AUTS2: variants seen among roughly 807,000 people sequenced by gnomAD.
AUTS2 encodes the protein autism susceptibility gene 2 protein.
In AUTS2, 17 loss-of-function variants were observed where a neutral mutation model predicts 112.4. That is an observed-to-expected ratio of 0.15 (90% CI 0.10 to 0.23). The LOEUF (loss-of-function observed/expected upper bound fraction) is 0.23. Among genes scored for constraint, AUTS2 ranks in the 10% least tolerant of loss-of-function variants. The pLI is 1.00. For missense variants in AUTS2, 1,510 were observed against 1,701.6 expected, an observed-to-expected ratio of 0.89 and a Z score of 1.98; for synonymous variants, 751 against 702.7, an observed-to-expected ratio of 1.07 and a Z score of -1.09.
chr7:70,597,565 A>G (rs1585353682), intron 5 of AUTS2, among the ~76,000 whole-genome samples: 1 of 152,308 alleles, frequency 6.6e-6, no homozygotes, highest in Admixed American at 6.5e-5. Flanking sequence ...ACTAATCTGT[A>G]ATTATAAAGA....
chr7:69,599,748 CCGGCGCGGCCGGCGG>C lies in AUTS2; in HGVS notation c.101_115del (p.Ala34_Gly38del). 7.4e-7 allele frequency: 1 copy of C among 1,358,124 alleles called. No homozygotes were observed. The highest frequency in any genetic ancestry group is 9.4e-7 in the Non-Finnish European group (1 of 1,059,684). 84.1% of individuals were successfully genotyped at this position (1,358,124 alleles called of 1,614,324 possible). A position where few individuals can be genotyped will look rare whatever the true frequency, so the allele number is the denominator to read the frequency against. The stretch of plus-strand genomic sequence containing the variant: ...AGGCGCTCCCGGGGCGGGCTGGGGG[CCGGCGCGGCCGGCGG>C]CGGCGGGGCTGGCCGGACCCGGGCG... On this transcript the variant is annotated inframe_deletion, in exon 1 of 19. Transcript: ENST00000342771. The surrounding 1 kb of genome is among the most constrained non-coding windows in gnomAD (Gnocchi z 7.0).
intron 2 of AUTS2, among the ~76,000 whole-genome samples, chr7:69,991,132 C>T (rs933852895): frequency 3.9e-5 from 6 of 152,162 alleles, no homozygotes; most frequent in Admixed American, 3.3e-4. Context: ...GCTGGAAATT[C>T]AGCTCCTTCC....
Position 70,766,367 on chromosome 7 carries a change from T to C in AUTS2, c.1689+33T>C. On this transcript the variant is annotated intron_variant, in intron 9 of 18. Coordinates refer to ENST00000342771, the MANE Select transcript of AUTS2 (RefSeq NM_015570.4). The surrounding 1 kb of genome is among the most constrained non-coding windows in gnomAD (Gnocchi z 4.8). ...CCCCAGGCAGAAATGTGAGGATAAG[T>C]AGAGCACGACTCTTTTCTTTATGCA... The C allele has an allele frequency of 6.2e-7, 1 of 1,610,678 alleles. No individual in the cohort carries two copies. The highest frequency in any genetic ancestry group is 2.2e-5 in the East Asian group (1 of 44,800).
At chr7:70,563,625 C>T (rs190816950) in intron 5 of AUTS2, among the ~76,000 whole-genome samples, 157 of 152,186 alleles carry the variant, frequency 1.0e-3, no homozygotes, top group African/African-American at 3.3e-3. Context: ...CCGGAGATGG[C>T]GGAGAGGGAT....
chr7:69,871,377 C>A (rs1373140659), intron 1 of AUTS2, among the ~76,000 whole-genome samples: 1 of 152,108 alleles, frequency 6.6e-6, no homozygotes, highest in Admixed American at 6.5e-5. Flanking sequence ...TAGGGTAGTC[C>A]CCCCTTTATC....
At chr7:70,255,074 C>A (rs1044538328) in intron 4 of AUTS2, among the ~76,000 whole-genome samples, 4 of 129,636 alleles carry the variant, frequency 3.1e-5, no homozygotes, top group Non-Finnish European at 4.9e-5. Context: ...TCAAAATTAC[C>A]TTTTTTTTTT....
chr7:69,602,040 A>ATATATATATATG (rs1474403063), intron 1 of AUTS2, among the ~76,000 whole-genome samples: 3 of 46,248 alleles, frequency 6.5e-5, no homozygotes, highest in Non-Finnish European at 1.4e-4. Flanking sequence ...ATATATATAT[A>ATATATATATATG]TGTGTGTGTG....
At chr7:70,693,858 G>A (rs969750202) in intron 5 of AUTS2, among the ~76,000 whole-genome samples, 2 of 152,226 alleles carry the variant, frequency 1.3e-5, no homozygotes, top group African/African-American at 4.8e-5. Context: ...GGCAGCCGGG[G>A]GGAGCCGAGG....
In AUTS2 at chr7:70,790,533, C is replaced by T. The variant is rs1791855155; in HGVS notation, c.3317C>T (p.Thr1106Ile). Residue 1106 changes from threonine (T) to isoleucine (I), a missense_variant, in exon 19 of 19, where the codon ACT (threonine) becomes ATT (isoleucine). By Grantham distance (89) the Thr-to-Ile change is moderately conservative (BLOSUM62 -1). Around this residue, in one of 3 missense-constraint regions of AUTS2, gnomAD observed 788 missense variants for 797.6 expected, o/e 0.99. Transcript: ENST00000342771. The surrounding 1 kb of genome is among the most constrained non-coding windows in gnomAD (Gnocchi z 7.6). ...AACGACCCGCTCCACCGGCTCTCGA[C>T]TCCCCGGCTGTACGAAGCCGACCGC... Reference protein sequence around the residue: ...LRNDPLHRLSTPRLYEADRSF... With the variant: ...LRNDPLHRLSIPRLYEADRSF... 1 of 1,608,340 alleles carries T rather than the reference C, an allele frequency of 6.2e-7. No individual in the cohort carries two copies. Among genetic ancestry groups the T allele is most frequent in the East Asian group, 2.2e-5 (1 of 44,656 alleles).
At chr7:70,617,465 A>G (rs1804434030) in intron 5 of AUTS2, among the ~76,000 whole-genome samples, 1 of 152,184 alleles carries the variant, frequency 6.6e-6, no homozygotes, top group Non-Finnish European at 1.5e-5. Flanking sequence ...GATCAAGACC[A>G]TCCTGGCTAA....
chr7:69,652,409 G>A (rs747123649), intron 1 of AUTS2, among the ~76,000 whole-genome samples: 4 of 151,034 alleles, frequency 2.6e-5, no homozygotes, highest in Non-Finnish European at 5.9e-5. Flanking sequence ...GGGAAAGAGA[G>A]TCAGGTGAGA....
At chr7:70,372,939 C>T (rs1387870812) in intron 4 of AUTS2, among the ~76,000 whole-genome samples, 1 of 152,032 alleles carries the variant, frequency 6.6e-6, no homozygotes, top group African/African-American at 2.4e-5. Flanking sequence ...GTCAAATTAG[C>T]AGGTCTGGAA....
intron 2 of AUTS2, among the ~76,000 whole-genome samples, chr7:70,053,049 G>C (rs544043364): frequency 1.3e-5 from 2 of 152,248 alleles, no homozygotes; most frequent in East Asian, 3.9e-4. Context: ...TTTGCTTCAA[G>C]GGATATAAAG....
intron 1 of AUTS2, among the ~76,000 whole-genome samples, chr7:69,726,068 A>G (rs941356994): frequency 4.6e-5 from 7 of 152,178 alleles, no homozygotes; most frequent in East Asian, 1.9e-4. Context: ...ATGCAGTGAA[A>G]TGCACAGATC....
In AUTS2 at chr7:69,729,765, A is replaced by T. The variant is rs1199880131; in HGVS notation, c.309+129803A>T. Among the ~76,000 whole-genome samples, 4 of 152,108 alleles carry T rather than the reference A, an allele frequency of 2.6e-5. No homozygotes were observed. In the East Asian group the frequency reaches 7.7e-4, roughly 29 times the overall value. Reference sequence around the variant, plus strand: ...CTTATCTGTGTACAGTTTACACTGTATATGATCCTCAGTGATATAGGGTGT... The same window carrying T: ...CTTATCTGTGTACAGTTTACACTGTTTATGATCCTCAGTGATATAGGGTGT... On this transcript the variant is annotated intron_variant, in intron 1 of 18. Transcript: ENST00000342771.
At position 70,790,414 on chromosome 7, in the gene AUTS2, C is replaced by T; in HGVS notation, c.3198C>T (p.Phe1066=). The T allele has an allele frequency of 3.1e-6, 5 of 1,613,234 alleles. No individual in the cohort carries two copies. The highest frequency in any genetic ancestry group is 2.2e-5 in the South Asian group (2 of 90,912). ...PGGERFPYPS[F]HWDPIRDPLR... ...GAGAGCGCTTCCCGTACCCTTCTTTCCACTGGGACCCCATCCGGGACCCCT... is the reference window on the plus strand; with the variant it reads ...GAGAGCGCTTCCCGTACCCTTCTTTTCACTGGGACCCCATCCGGGACCCCT... The change falls in exon 19 of 19, where the codon TTC becomes TTT. Residue 1066 remains phenylalanine, a synonymous_variant. Coordinates refer to ENST00000342771, the MANE Select transcript of AUTS2 (RefSeq NM_015570.4). This position sits in a 1 kb window ranked among gnomAD's most constrained non-coding sequence, Gnocchi z 7.6.
At chr7:70,437,938 AAATGT>A (rs1795965298) in intron 5 of AUTS2, 1 of 151,996 alleles carries the variant, frequency 6.6e-6, no homozygotes, top group Non-Finnish European at 1.5e-5. Context: ...TGTTCCTTGT[AAATGT>A]CTTCACCAGT....
intron 4 of AUTS2, among the ~76,000 whole-genome samples, chr7:70,354,259 A>G (rs1791892493): frequency 6.6e-6 from 1 of 152,202 alleles, no homozygotes; most frequent in Non-Finnish European, 1.5e-5. Context: ...ATCTCAAATC[A>G]CTGTTAAAAT....
chr7:69,659,344 G>C (rs551093275), intron 1 of AUTS2, among the ~76,000 whole-genome samples: 3 of 151,736 alleles, frequency 2.0e-5, no homozygotes, highest in Admixed American at 2.0e-4. Flanking sequence ...AATTTTGTCC[G>C]TATATTCATT....
Sources: allele counts gnomAD v4.1 joint callset (sites outside exome capture counted in the v4.1 genomes callset), GRCh38; gene constraint gnomAD v4.1.1; regional missense constraint gnomAD v4.1.1; non-coding constraint Gnocchi (gnomAD v3.1); transcripts MANE v1.5; gene names NCBI Gene and HGNC (gene_info 2026-07-23, HGNC 2026-07-21).